Variants in GLP2R observed in about 807,000 individuals in gnomAD.
The protein encoded by GLP2R is glucagon like peptide 2 receptor.
Under a neutral mutation model 68.2 loss-of-function variants are expected in GLP2R, and 59 were observed. The observed-to-expected ratio is 0.87, with a 90% CI of 0.70 to 1.07. The LOEUF is 1.07. GLP2R is among the 50% of genes least tolerant of loss of function. The pLI, the probability that GLP2R is intolerant of heterozygous loss-of-function variation, is 0.00. For missense variants in GLP2R, 548 were observed against 677.4 expected, an observed-to-expected ratio of 0.81 and a Z score of 2.12; for synonymous variants, 270 against 265.4, an observed-to-expected ratio of 1.02 and a Z score of -0.17.
intron 9 of GLP2R, among the ~76,000 whole-genome samples, chr17:9,869,801 A>G (rs752384061): frequency 1.6e-4 from 25 of 152,352 alleles, no homozygotes; most frequent in Non-Finnish European, 3.5e-4. Flanking sequence ...CCCAGAAGTC[A>G]CATAGCACCA....
chr17:9,875,830 C>T (rs2067138036), intron 10 of GLP2R, among the ~76,000 whole-genome samples: 1 of 152,240 alleles, frequency 6.6e-6, no homozygotes, highest in Admixed American at 6.5e-5. Context: ...CCATGGGATG[C>T]ACCTGGGCAG....
chr17:9,830,739 G>A (rs2152029181), intron 1 of GLP2R, among the ~76,000 whole-genome samples: 1 of 152,246 alleles, frequency 6.6e-6, no homozygotes, highest in African/African-American at 2.4e-5. Flanking sequence ...AGGTATTCAT[G>A]GTGTTAACAT....
intron 1 of GLP2R, among the ~76,000 whole-genome samples, chr17:9,833,538 T>A (rs2139885): frequency 0.72 from 110,114 of 152,170 alleles, 41,536 homozygotes; most frequent in East Asian, 1. Flanking sequence ...GGATAAGAAT[T>A]TTGCGTACTC....
intron 4 of GLP2R, chr17:9,853,085 T>G: frequency 3.7e-6 from 2 of 535,998 alleles, no homozygotes; most frequent in Non-Finnish European, 7.0e-6. Flanking sequence ...AAGTCGCCAG[T>G]GTTACTTTAA....
At chr17:9,853,771 T>C (rs1158842851) in intron 4 of GLP2R, among the ~76,000 whole-genome samples, 1 of 152,208 alleles carries the variant, frequency 6.6e-6, no homozygotes, top group East Asian at 1.9e-4. Context: ...ACTCCAATGG[T>C]GAATTCTACC....
Position 9,857,566 on chromosome 17 carries a change from A to G in GLP2R, c.755A>G (p.Tyr252Cys). ...RPDNENGWMS[Y>C]LSEMSTSCRS... is the part of the protein sequence containing the mutation. ...GACAATGAGAATGGGTGGATGTCCT[A>G]CCTGTCAGAGGTAATCCCCTTCCCC... The change falls in exon 6 of 13, where the codon TAC (tyrosine) becomes TGC (cysteine). Residue 252 changes from tyrosine to cysteine, a missense_variant. Physicochemically the swap from Tyr to Cys is radical, Grantham distance 194. Coordinates refer to ENST00000262441, the MANE Select transcript of GLP2R (RefSeq NM_004246.3). 1.2e-6 allele frequency: 2 copies of G among 1,614,124 alleles called. No individual in the cohort carries two copies. The highest frequency in any genetic ancestry group is 8.5e-7 in the Non-Finnish European group (1 of 1,180,000).
In GLP2R at chr17:9,830,197, A is replaced by G. The variant is rs576024431; in HGVS notation, c.190-3610A>G. ...TTAGTTTGTTTTTCTGCTTTTGACT[A>G]TGGCCATTGGCCATGGCAAAGAATG... On this transcript the variant is annotated intron_variant, in intron 1 of 12. Transcript: ENST00000262441. Among the ~76,000 whole-genome samples, 6 of 152,320 alleles carry G rather than the reference A, an allele frequency of 3.9e-5. No homozygotes were observed. In the South Asian group the frequency reaches 1.0e-3, roughly 26 times the overall value.
chr17:9,826,298 A>AT (rs745524450), intron 1 of GLP2R, 46 bp downstream of exon 1: 320 of 1,409,940 alleles, frequency 2.3e-4, no homozygotes, highest in Admixed American at 8.4e-4. Context: ...GTATTTCCTG[A>AT]TTTTTTTTTA....
intron 10 of GLP2R, among the ~76,000 whole-genome samples, chr17:9,871,343 C>CAAA (rs34449375): frequency 5.4e-4 from 52 of 95,784 alleles, no homozygotes; most frequent in Non-Finnish European, 4.8e-4. Flanking sequence ...GACCCTGTCT[C>CAAA]AAAAAAAAAA....
intron 4 of GLP2R, among the ~76,000 whole-genome samples, chr17:9,851,390 A>G (rs905401836): frequency 6.6e-6 from 1 of 152,062 alleles, no homozygotes; most frequent in African/African-American, 2.4e-5. Flanking sequence ...GAATAATACA[A>G]TTGACACCCT....
chr17:9,860,581 A>G (rs2066979031), intron 7 of GLP2R, among the ~76,000 whole-genome samples: 1 of 152,072 alleles, frequency 6.6e-6, no homozygotes. Context: ...CTCTTTTTAA[A>G]AGGGCACTAA....
chr17:9,835,897 G>C (rs533195825), intron 2 of GLP2R, among the ~76,000 whole-genome samples: 82 of 151,980 alleles, frequency 5.4e-4, no homozygotes, highest in African/African-American at 1.8e-3. Context: ...AAATTAGCTG[G>C]GCATGGTGGC....
intron 4 of GLP2R, among the ~76,000 whole-genome samples, chr17:9,846,858 A>T (rs1417787412): frequency 3.3e-5 from 5 of 152,236 alleles, no homozygotes; most frequent in Non-Finnish European, 4.4e-5. Flanking sequence ...TAAGGAGACA[A>T]ACTGGTCCAA....
chr17:9,886,617 G>A (rs1334830495), intron 11 of GLP2R, among the ~76,000 whole-genome samples: 12 of 152,208 alleles, frequency 7.9e-5, no homozygotes, highest in Admixed American at 7.9e-4. Context: ...CCCTGTTATG[G>A]AAGCTATAGC....
At chr17:9,835,716 C>A (rs545155698) in intron 2 of GLP2R, among the ~76,000 whole-genome samples, 2 of 152,188 alleles carry the variant, frequency 1.3e-5, no homozygotes, top group African/African-American at 4.8e-5. Flanking sequence ...CTCCAAGAGT[C>A]CTCCTGTCCC....
In GLP2R at chr17:9,866,598, G is replaced by A. The variant is rs537555106; in HGVS notation, c.1057-4149G>A. ...CTGATGGAATCAAATCTCCTGCCAT[G>A]TAGAGCTTCCTTAGCACTGGAATCT... On this transcript the variant is annotated intron_variant, in intron 9 of 12. Transcript: ENST00000262441. 6 of 152,392 alleles carry A rather than the reference G, an allele frequency of 3.9e-5. No individual in the cohort carries two copies. The East Asian group carries it at 7.7e-4, about 20-fold the overall frequency. The allele number at this position is 152,392 out of a possible 1,614,324, so 9.4% of individuals were successfully genotyped here.
chr17:9,880,426 G>A lies in GLP2R; in HGVS notation c.1194G>A (p.Glu398=). ...TCATTCCTTTATTGGGCGTTCATGAGATCCTCTTCTCTTTCATCACTGATG... is the reference window on the plus strand; with the variant it reads ...TCATTCCTTTATTGGGCGTTCATGAAATCCTCTTCTCTTTCATCACTGATG... The part of the protein sequence containing the change: ...LVLIPLLGVH[E]ILFSFITDDQ... The change falls in exon 11 of 13, where the codon GAG becomes GAA. Residue 398 remains glutamate (E), a synonymous_variant. Transcript: ENST00000262441. The A allele has an allele frequency of 6.2e-7, 1 of 1,601,408 alleles. No individual in the cohort carries two copies. Among genetic ancestry groups the A allele is most frequent in the Non-Finnish European group, 8.5e-7 (1 of 1,170,234 alleles).
intron 11 of GLP2R, among the ~76,000 whole-genome samples, chr17:9,885,150 TA>T (rs1249784559): frequency 7.5e-5 from 6 of 80,064 alleles, no homozygotes; most frequent in African/African-American, 4.5e-4. Flanking sequence ...GTAACCATTT[TA>T]TTATTATTAT....
intron 5 of GLP2R, among the ~76,000 whole-genome samples, chr17:9,856,725 C>T (rs1177078394): frequency 6.6e-6 from 1 of 152,138 alleles, no homozygotes; most frequent in Non-Finnish European, 1.5e-5. Context: ...TGTCTGAATC[C>T]CAACTCTGCG....
Sources: gnomAD v4.1 joint callset for allele counts (sites outside exome capture counted in the v4.1 genomes callset) on GRCh38, gnomAD v4.1.1 for gene constraint, MANE v1.5 for transcripts, NCBI Gene and HGNC (gene_info 2026-07-23, HGNC 2026-07-21) for gene names.